The following TINAG variants were observed in gnomAD, a reference collection of about 807,000 sequenced individuals.
The protein encoded by TINAG is tubulointerstitial nephritis antigen.
Under a neutral mutation model 72.7 loss-of-function variants are expected in TINAG, and 83 were observed. That is an observed-to-expected ratio of 1.14 (90% CI 0.96 to 1.37). The LOEUF (loss-of-function observed/expected upper bound fraction) is 1.37, where lower values mean the gene tolerates loss of function less well. Among genes scored for constraint, TINAG ranks in the 40% most tolerant of loss-of-function variants. The probability of loss-of-function intolerance (pLI) is 0.00; values close to 1 mark genes in which losing one functional copy is unlikely to be tolerated. For missense variants in TINAG, 685 were observed against 576.6 expected (o/e 1.19, Z -1.93); for synonymous variants, 234 against 189.9 (o/e 1.23, Z -1.91).
At position 54,321,316 on chromosome 6, in the gene TINAG, T is replaced by A. The variant is rs202230551; in HGVS notation, c.439T>A (p.Trp147Arg). The A allele has an allele frequency of 1.2e-6, 2 of 1,613,842 alleles. No homozygotes were observed. The highest frequency in any genetic ancestry group is 1.7e-6 in the Non-Finnish European group (2 of 1,179,842). ...CNSCTCSGQQWKCSQHVCLVR... is the reference protein window; with the variant it reads ...CNSCTCSGQQRKCSQHVCLVR... ...TTGCAGCACATGCTCAGGACAGCAA[T>A]GGAAATGTTCCCAGCATGTATGCCT... is the stretch of plus-strand genomic sequence containing the variant. The change falls in exon 3 of 11, where the codon TGG becomes AGG. Residue 147 changes from tryptophan (W) to arginine (R), a missense_variant. By Grantham distance (101) the Trp-to-Arg change is moderately radical (BLOSUM62 -3). Coordinates refer to ENST00000259782, the MANE Select transcript of TINAG (RefSeq NM_014464.4).
intron 4 of TINAG, among the ~76,000 whole-genome samples, chr6:54,340,964 C>T (rs9395936): frequency 0.38 from 58,114 of 151,808 alleles, 13,342 homozygotes; most frequent in Middle Eastern, 0.55. Flanking sequence ...TGCATATCTC[C>T]CATATGCAAA....
chr6:54,382,219 T>C (rs1763973333), intron 10 of TINAG, among the ~76,000 whole-genome samples: 1 of 152,126 alleles, frequency 6.6e-6, no homozygotes, highest in Non-Finnish European at 1.5e-5. Context: ...AATTGTTGAA[T>C]GCAAGCAGTA....
In TINAG at chr6:54,343,294, T is replaced by C. The variant is rs774981900; in HGVS notation, c.693T>C (p.Thr231=). Residue 231 remains threonine, a synonymous_variant, in exon 5 of 11, where the codon ACT becomes ACC. Coordinates refer to ENST00000259782, the MANE Select transcript of TINAG (RefSeq NM_014464.4). ...CTTCTTATAAATGGCCTGGATGGAC[T>C]CATGGCCCATTGGATCAAAAAAATT... ...FVASYKWPGW[T]HGPLDQKNCA... 1.9e-6 allele frequency: 3 copies of C among 1,578,512 alleles called. No homozygotes were observed. Among genetic ancestry groups the C allele is most frequent in the South Asian group, 1.2e-5 (1 of 84,148 alleles).
In TINAG at chr6:54,326,898, G is replaced by A. The variant is rs764089833; in HGVS notation, c.606G>A (p.Leu202=). The change falls in exon 4 of 11, where the codon CTG becomes CTA. Residue 202 remains leucine (L), a synonymous_variant. Coordinates refer to ENST00000259782, the MANE Select transcript of TINAG (RefSeq NM_014464.4). ...LGTLPPSPML[L]SMNEMTASLP... is the part of the protein sequence containing the mutation. ...CTTTGCCACCTAGTCCCATGCTCCT[G>A]AGCATGAATGAAATGACAGTAAGTG... 4 of 1,613,136 alleles carry A rather than the reference G, an allele frequency of 2.5e-6. No individual in the cohort carries two copies. Among genetic ancestry groups the A allele is most frequent in the South Asian group, 2.2e-5 (2 of 90,638 alleles).
At chr6:54,358,575 T>G (rs1253117739) in intron 9 of TINAG, among the ~76,000 whole-genome samples, 1 of 151,226 alleles carries the variant, frequency 6.6e-6, no homozygotes, top group African/African-American at 2.4e-5. Context: ...TTAGAGGAGA[T>G]AGCTGAGGCA....
At chr6:54,316,147 T>C (rs1784368267) in intron 1 of TINAG, among the ~76,000 whole-genome samples, 1 of 152,184 alleles carries the variant, frequency 6.6e-6, no homozygotes, top group Non-Finnish European at 1.5e-5. Context: ...CTCTGTTACC[T>C]ATACAGTGGC....
chr6:54,373,870 G>A (rs958894092), intron 9 of TINAG, among the ~76,000 whole-genome samples: 1 of 151,998 alleles, frequency 6.6e-6, no homozygotes, highest in Non-Finnish European at 1.5e-5. Flanking sequence ...TTCCCTTAAA[G>A]TTTCTCTTCA....
At chr6:54,308,360 T>C, upstream of TINAG, 1 of 636,658 alleles carries the variant, frequency 1.6e-6, no homozygotes, top group Admixed American at 3.0e-5. Flanking sequence ...TAACATACAT[T>C]ATCTTGGTCA....
intron 4 of TINAG, among the ~76,000 whole-genome samples, chr6:54,327,575 C>T (rs144851197): frequency 0.018 from 2,777 of 152,064 alleles, 44 homozygotes; most frequent in African/African-American, 0.037. Flanking sequence ...TTTCATACCC[C>T]AGTAGTGCCT....
chr6:54,339,063 A>G (rs935470584), intron 4 of TINAG, among the ~76,000 whole-genome samples: 1 of 152,138 alleles, frequency 6.6e-6, no homozygotes, highest in Non-Finnish European at 1.5e-5. Flanking sequence ...TTCACCCATT[A>G]ACACCTCTGA....
At chr6:54,366,260 G>T (rs944160691) in intron 9 of TINAG, among the ~76,000 whole-genome samples, 5 of 151,432 alleles carry the variant, frequency 3.3e-5, no homozygotes, top group Admixed American at 6.6e-5. Flanking sequence ...GTGTATGTGT[G>T]TGTGTGTGTG....
intron 4 of TINAG, among the ~76,000 whole-genome samples, chr6:54,340,256 A>G (rs1784965303): frequency 6.6e-6 from 1 of 152,166 alleles, no homozygotes; most frequent in Non-Finnish European, 1.5e-5. Flanking sequence ...TTTCAACATT[A>G]CAATGAAAAG....
rs1196191957 is a variant in TINAG, at chr6:54,308,559, C to A, written c.9C>A (p.Thr3=). 2 of 1,608,778 alleles carry A rather than the reference C, an allele frequency of 1.2e-6. No homozygotes were observed. Among genetic ancestry groups the A allele is most frequent in the Non-Finnish European group, 8.5e-7 (1 of 1,177,722 alleles). ...TACCTGACTTCCAGAGAATGTGGAC[C>A]GGATATAAGATCTTAATCTTCTCTT... The part of the protein sequence containing the change: MW[T]GYKILIFSYL... Residue 3 remains threonine, a synonymous_variant, in exon 1 of 11, where the codon ACC becomes ACA. Coordinates refer to ENST00000259782, the MANE Select transcript of TINAG (RefSeq NM_014464.4).
chr6:54,361,046 A>G (rs1214078437), intron 9 of TINAG, among the ~76,000 whole-genome samples: 2 of 150,454 alleles, frequency 1.3e-5, no homozygotes, highest in Non-Finnish European at 3.0e-5. Flanking sequence ...TTTTGGTGTT[A>G]TTATAGTAAT....
At position 54,308,502 on chromosome 6, in the gene TINAG, AG is replaced by A. The variant is rs750061784; in HGVS notation, c.-46del. ...TTCCAAGGAGAAGCCCACAAGGCTA[AG>A]GGTATTGGATATAACGGAAAGTGGA... On this transcript the variant is annotated 5_prime_UTR_variant, in exon 1 of 11. Transcript: ENST00000259782. 1.3e-6 allele frequency: 2 copies of A among 1,499,276 alleles called. No individual in the cohort carries two copies. Among genetic ancestry groups the A allele is most frequent in the Admixed American group, 4.0e-5 (2 of 50,482 alleles). 92.9% of individuals were successfully genotyped at this position (1,499,276 alleles called of 1,614,324 possible).
At chr6:54,320,553 C>T in intron 1 of TINAG, 26 bp from the exon 2 acceptor site, 2 of 1,571,016 alleles carry the variant, frequency 1.3e-6, no homozygotes, top group Non-Finnish European at 8.7e-7. Flanking sequence ...TTAGCATTTT[C>T]ATTTCTTTAC....
intron 4 of TINAG, among the ~76,000 whole-genome samples, chr6:54,339,059 C>G (rs1417276331): frequency 6.6e-6 from 1 of 152,044 alleles, no homozygotes; most frequent in South Asian, 2.1e-4. Context: ...TTTTTTCACC[C>G]ATTAACACCT....
At chr6:54,389,538 G>T (rs1049426902) in intron 10 of TINAG, among the ~76,000 whole-genome samples, 2 of 152,110 alleles carry the variant, frequency 1.3e-5, no homozygotes, top group South Asian at 2.1e-4. Context: ...CATTTCAAAC[G>T]CTCAGGCCTA....
chr6:54,346,213 G>A (rs748061633), intron 5 of TINAG, among the ~76,000 whole-genome samples: 3 of 151,992 alleles, frequency 2.0e-5, no homozygotes, highest in Non-Finnish European at 2.9e-5. Flanking sequence ...TGGTTAATTA[G>A]TTTCCCTGGT....
Sources: allele counts gnomAD v4.1 joint callset (sites outside exome capture counted in the v4.1 genomes callset), GRCh38; gene constraint gnomAD v4.1.1; transcripts MANE v1.5; gene names NCBI Gene and HGNC (gene_info 2026-07-23, HGNC 2026-07-21).